GSTO2: variants seen among roughly 807,000 people sequenced by gnomAD.
The protein encoded by GSTO2 is glutathione S-transferase omega 2.
Under a neutral mutation model 28.4 loss-of-function variants are expected in GSTO2, and 23 were observed. The observed-to-expected ratio is 0.81, with a 90% CI of 0.58 to 1.15. The LOEUF (loss-of-function observed/expected upper bound fraction) is 1.15. Ranked by LOEUF, GSTO2 falls within the 50% of genes most tolerant of loss-of-function variation. The pLI, the probability that GSTO2 is intolerant of heterozygous loss-of-function variation, is 0.00. For missense variants in GSTO2, 298 were observed against 297.8 expected (o/e 1.00, Z 0.00); for synonymous variants, 109 against 111.0 (o/e 0.98, Z 0.11).
chr10:104,294,907 C>T (rs1013690150), intron 5 of GSTO2: 2 of 152,218 alleles, frequency 1.3e-5, no homozygotes, highest in African/African-American at 4.8e-5. Flanking sequence ...AAAATTCCCT[C>T]CTCACTTTAC....
intron 1 of GSTO2, among the ~76,000 whole-genome samples, chr10:104,273,479 T>A (rs2011504708): frequency 6.6e-6 from 1 of 152,242 alleles, no homozygotes; most frequent in African/African-American, 2.4e-5. Context: ...GCAAAGATTC[T>A]TATTCACTAG....
At chr10:104,289,160 A>G (rs2012632415) in intron 5 of GSTO2, among the ~76,000 whole-genome samples, 1 of 152,090 alleles carries the variant, frequency 6.6e-6, no homozygotes. Flanking sequence ...GTGCAGTGGC[A>G]TGATCATGGC....
intron 5 of GSTO2, chr10:104,296,280 C>T (rs1246161989): frequency 2.0e-5 from 3 of 151,532 alleles, no homozygotes; most frequent in Non-Finnish European, 2.9e-5. Context: ...GAGTGGCCAA[C>T]AAATGTGAAG....
chr10:104,299,306 C>T lies in GSTO2; in HGVS notation c.*22C>T, dbSNP rs578051135. On this transcript the variant is annotated 3_prime_UTR_variant, in exon 7 of 7. Coordinates refer to ENST00000338595, the MANE Select transcript of GSTO2 (RefSeq NM_183239.2). ...CTGAGTCTCACTGTCCACCCCTTCG[C>T]TGTCCAGAATTCCCCAGCTTGTTGG... 1.1e-4 allele frequency: 182 copies of T among 1,613,564 alleles called. 1 individual carries two copies. In the South Asian group the frequency reaches 1.9e-3, roughly 17 times the overall value.
At chr10:104,292,897 AC>A (rs2012844858) in intron 5 of GSTO2, among the ~76,000 whole-genome samples, 1 of 152,230 alleles carries the variant, frequency 6.6e-6, no homozygotes, top group African/African-American at 2.4e-5. Flanking sequence ...ATGATAAAAC[AC>A]TTAAGAAAGA....
chr10:104,277,401 A>G (rs1295628883), intron 3 of GSTO2, among the ~76,000 whole-genome samples: 1 of 151,862 alleles, frequency 6.6e-6, no homozygotes, highest in Non-Finnish European at 1.5e-5. Context: ...CTCCTGCCTC[A>G]GTCTCCCAAG....
chr10:104,275,290 C>T lies in GSTO2; in HGVS notation c.99C>T (p.Pro33=), dbSNP rs2011576546. 1.9e-6 allele frequency: 3 copies of T among 1,614,068 alleles called. No homozygotes were observed. Among genetic ancestry groups the T allele is most frequent in the African/African-American group, 2.7e-5 (2 of 75,024 alleles). ...LIRIYSMRFC[P]YSHRTRLVLK... ...GCATCTACAGCATGAGGTTCTGCCCCTATTCTCACAGGACCCGCCTCGTCC... is the reference window on the plus strand; with the variant it reads ...GCATCTACAGCATGAGGTTCTGCCCTTATTCTCACAGGACCCGCCTCGTCC... Residue 33 remains proline, a synonymous_variant, in exon 3 of 7, where the codon CCC becomes CCT. Transcript: ENST00000338595.
intron 3 of GSTO2, among the ~76,000 whole-genome samples, chr10:104,276,697 CTT>C (rs1392316809): frequency 6.6e-6 from 1 of 152,190 alleles, no homozygotes; most frequent in African/African-American, 2.4e-5. Context: ...GTCTCGAAAT[CTT>C]GGGCTCAAGC....
chr10:104,284,289 G>T (rs2012276961), intron 5 of GSTO2, among the ~76,000 whole-genome samples: 1 of 152,046 alleles, frequency 6.6e-6, no homozygotes, highest in African/African-American at 2.4e-5. Context: ...GAGTCCAGGA[G>T]GTCAAGGCTG....
At chr10:104,276,399 C>G (rs975997677) in intron 3 of GSTO2, among the ~76,000 whole-genome samples, 1 of 152,212 alleles carries the variant, frequency 6.6e-6, no homozygotes, top group African/African-American at 2.4e-5. Context: ...CAGCGTTTCT[C>G]AAACTTGGCA....
chr10:104,297,686 T>TAAG lies in GSTO2; in HGVS notation c.575+4_575+6dup. ...GCTGGATGTGTATGGGATACTGGAGTAAGACATTTGACATTGTGGTGTTAA... is the reference window on the plus strand; with the variant it reads ...GCTGGATGTGTATGGGATACTGGAGTAAGAAGACATTTGACATTGTGGTGTTAA... On this transcript the variant is annotated splice_region_variant and intron_variant, in intron 6 of 6. Transcript: ENST00000338595. 6.3e-7 allele frequency: 1 copy of TAAG among 1,599,286 alleles called. No homozygotes were observed. Among genetic ancestry groups the TAAG allele is most frequent in the Middle Eastern group, 1.7e-4 (1 of 6,030 alleles).
At position 104,297,654 on chromosome 10, in the gene GSTO2, T is replaced by G. The variant is rs2013104506; in HGVS notation, c.545T>G (p.Phe182Cys). 1 of 1,613,760 alleles carries G rather than the reference T, an allele frequency of 6.2e-7. No homozygotes were observed. The highest frequency in any genetic ancestry group is 8.5e-7 in the Non-Finnish European group (1 of 1,179,674). Residue 182 changes from phenylalanine (F) to cysteine (C), a missense_variant, in exon 6 of 7, where the codon TTT (phenylalanine) becomes TGT (cysteine). By Grantham distance (205) the Phe-to-Cys change is radical. Coordinates refer to ENST00000338595, the MANE Select transcript of GSTO2 (RefSeq NM_183239.2). ...SMIDYLLWPW[F>C]ERLDVYGILD... ...ATTGATTACCTCCTCTGGCCCTGGTTTGAGCGGCTGGATGTGTATGGGATA... is the reference window on the plus strand; with the variant it reads ...ATTGATTACCTCCTCTGGCCCTGGTGTGAGCGGCTGGATGTGTATGGGATA...
At chr10:104,273,642 C>T (rs907183056) in intron 1 of GSTO2, among the ~76,000 whole-genome samples, 28 of 152,198 alleles carry the variant, frequency 1.8e-4, no homozygotes, top group Non-Finnish European at 2.9e-5. Context: ...GCAGCCATTA[C>T]GTGCTATATC....
At position 104,303,608 on chromosome 10, in the gene GSTO2, C is replaced by G. The variant is rs2013323116; in HGVS notation, c.*4324C>G. 6.6e-6 allele frequency: 1 copy of G among 152,120 alleles called. No homozygotes were observed. Among genetic ancestry groups the G allele is most frequent in the Non-Finnish European group, 1.5e-5 (1 of 68,032 alleles). 9.4% of individuals were successfully genotyped at this position (152,120 alleles called of 1,614,324 possible). A position where few individuals can be genotyped will look rare whatever the true frequency, so the allele number is the denominator to read the frequency against. The stretch of plus-strand genomic sequence containing the variant: ...CGTAAAAGTTTGGAGAATTTGCAGC[C>G]AGCTATGTGGTAGAAAAGAAGAGCC... On this transcript the variant is annotated 3_prime_UTR_variant, in exon 7 of 7. Transcript: ENST00000338595.
intron 5 of GSTO2, 58 bp from the exon 6 acceptor site, chr10:104,297,520 T>C: frequency 2.8e-6 from 3 of 1,085,520 alleles, no homozygotes; most frequent in South Asian, 1.3e-5. Context: ...ATTTAGTGTC[T>C]ATAAACATGT....
At chr10:104,293,920 G>C (rs2012905306) in intron 5 of GSTO2, among the ~76,000 whole-genome samples, 1 of 152,154 alleles carries the variant, frequency 6.6e-6, no homozygotes, top group South Asian at 2.1e-4. Flanking sequence ...GTTAGTTCCA[G>C]TGCAAACCGG....
chr10:104,270,045 G>A (rs577760438), intron 1 of GSTO2, among the ~76,000 whole-genome samples: 2 of 147,162 alleles, frequency 1.4e-5, no homozygotes, highest in East Asian at 2.0e-4. Context: ...ACGGAGTCTC[G>A]CTGTTCTGCC....
At chr10:104,294,444 G>C (rs1429012522) in intron 5 of GSTO2, among the ~76,000 whole-genome samples, 1 of 152,206 alleles carries the variant, frequency 6.6e-6, no homozygotes, top group Non-Finnish European at 1.5e-5. Flanking sequence ...AGGGAGGCCT[G>C]TCCAGGATGT....
At chr10:104,277,857 A>G (rs765777427) in intron 3 of GSTO2, 37 bp from the exon 4 acceptor site, 2 of 1,452,486 alleles carry the variant, frequency 1.4e-6, no homozygotes, top group East Asian at 2.3e-5. Flanking sequence ...GATGCCTCTC[A>G]TTTTTGTTCT....
Sources: gnomAD v4.1 joint callset for allele counts (sites outside exome capture counted in the v4.1 genomes callset) on GRCh38, gnomAD v4.1.1 for gene constraint, MANE v1.5 for transcripts, NCBI Gene and HGNC (gene_info 2026-07-23, HGNC 2026-07-21) for gene names.